The following WFDC9 variants were observed in gnomAD, a reference collection of about 807,000 sequenced individuals.
WFDC9 encodes the protein WAP four-disulfide core domain 9, also known as protein WFDC9.
A neutral mutation model predicts 9.5 loss-of-function variants in WFDC9; 9 were observed. The ratio of observed to expected loss-of-function variants is 0.95; its 90% CI spans 0.57 to 1.65. The LOEUF is 1.65. WFDC9 is among the 40% of genes most tolerant of loss of function. The pLI, the probability that WFDC9 is intolerant of heterozygous loss-of-function variation, is 0.00. For missense variants in WFDC9, 87 were observed against 106.7 expected (o/e 0.82, Z 0.81); for synonymous variants, 33 against 32.3 (o/e 1.02, Z -0.07).
chr20:45,629,018 C>T (rs560667090), intron 1 of WFDC9, among the ~76,000 whole-genome samples: 2 of 152,298 alleles, frequency 1.3e-5, no homozygotes, highest in African/African-American at 4.8e-5. Flanking sequence ...AGGTCTCTCC[C>T]CCTGTCTGAG....
At chr20:45,624,414 T>A (rs1287832396) in intron 1 of WFDC9, among the ~76,000 whole-genome samples, 1 of 152,216 alleles carries the variant, frequency 6.6e-6, no homozygotes, top group Non-Finnish European at 1.5e-5. Flanking sequence ...TTTTTGTGGC[T>A]GAATAGGATT....
At chr20:45,624,991 C>T (rs1982185631) in intron 1 of WFDC9, among the ~76,000 whole-genome samples, 1 of 151,966 alleles carries the variant, frequency 6.6e-6, no homozygotes, top group South Asian at 2.1e-4. Context: ...GATATTAATC[C>T]CCTGTCAAAT....
chr20:45,611,041 C>T (rs1035541565), intron 2 of WFDC9, among the ~76,000 whole-genome samples: 2 of 152,150 alleles, frequency 1.3e-5, no homozygotes, highest in African/African-American at 4.8e-5. Flanking sequence ...GAGAAGAGGG[C>T]TCTAATTTGT....
chr20:45,610,433 T>G (rs1765125942), intron 2 of WFDC9, among the ~76,000 whole-genome samples, 194 bp from the exon 3 acceptor site: 1 of 152,192 alleles, frequency 6.6e-6, no homozygotes, highest in Non-Finnish European at 1.5e-5. Context: ...TATTTCTTAT[T>G]AAAATGAATT....
intron 2 of WFDC9, among the ~76,000 whole-genome samples, chr20:45,610,957 C>T (rs1358054572): frequency 6.6e-6 from 1 of 152,174 alleles, no homozygotes; most frequent in African/African-American, 2.4e-5. Context: ...TCTATGGGAA[C>T]ACAGTAGACT....
intron 1 of WFDC9, chr20:45,630,925 A>G: frequency 6.2e-7 from 1 of 1,612,574 alleles, no homozygotes; most frequent in Non-Finnish European, 8.5e-7. Flanking sequence ...AACTATATCT[A>G]TGCAAACACT....
intron 1 of WFDC9, among the ~76,000 whole-genome samples, chr20:45,621,451 A>G (rs1189818090): frequency 2.6e-5 from 4 of 152,248 alleles, no homozygotes; most frequent in Non-Finnish European, 5.9e-5. Flanking sequence ...TGCTATCTTT[A>G]AAAGTCCTGC....
At chr20:45,630,219 A>G (rs77510138) in intron 1 of WFDC9, among the ~76,000 whole-genome samples, 1 of 143,364 alleles carries the variant, frequency 7.0e-6, no homozygotes, top group Non-Finnish European at 1.5e-5. Context: ...GACAATTATT[A>G]TTTGATTTAT....
chr20:45,621,885 A>AG, intron 1 of WFDC9, among the ~76,000 whole-genome samples: 1 of 152,298 alleles, frequency 6.6e-6, no homozygotes, highest in Admixed American at 6.5e-5. Context: ...CACTGTAATA[A>AG]ATCATAGCTG....
At chr20:45,629,509 A>G (rs1247408907) in intron 1 of WFDC9, 3 of 228,206 alleles carry the variant, frequency 1.3e-5, no homozygotes, top group African/African-American at 2.3e-5. Flanking sequence ...TTTTTCCATA[A>G]AACATTTTGT....
chr20:45,628,211 A>T (rs901229843), intron 1 of WFDC9, among the ~76,000 whole-genome samples: 3 of 152,226 alleles, frequency 2.0e-5, no homozygotes, highest in African/African-American at 7.2e-5. Flanking sequence ...TCAAATAATA[A>T]TTCAAAATGA....
chr20:45,624,284 G>A (rs777260561), intron 1 of WFDC9, among the ~76,000 whole-genome samples: 12 of 152,116 alleles, frequency 7.9e-5, no homozygotes, highest in African/African-American at 7.2e-5. Flanking sequence ...CCATGAGGTC[G>A]ACTTTTCTCC....
chr20:45,622,946 G>GCAAACCTAAACAGATTTGTATTGT (rs1982133668), intron 1 of WFDC9, among the ~76,000 whole-genome samples: 1 of 152,166 alleles, frequency 6.6e-6, no homozygotes, highest in African/African-American at 2.4e-5. Context: ...GGGAGGTGAT[G>GCAAACCTAAACAGATTTGTATTGT]CAAACCTAAA....
intron 1 of WFDC9, chr20:45,629,744 C>A: frequency 6.4e-7 from 1 of 1,557,068 alleles, no homozygotes; most frequent in South Asian, 1.2e-5. Context: ...CCTTCACTCT[C>A]CGTAGACAGC....
At chr20:45,609,454 G>C (rs1186280413) in intron 3 of WFDC9, among the ~76,000 whole-genome samples, 4 of 152,058 alleles carry the variant, frequency 2.6e-5, no homozygotes, top group African/African-American at 9.7e-5. Flanking sequence ...GCCCACCTCA[G>C]CCTCCCAAAG....
Position 45,631,199 on chromosome 20 carries a change from C to T in WFDC9, c.-153+4G>A. On this transcript the variant is annotated splice_donor_region_variant and intron_variant, in intron 1 of 4. Coordinates refer to ENST00000326000, the MANE Select transcript of WFDC9 (RefSeq NM_147198.4). ...AAACCAGAACAAATGCCCAGGGATC[C>T]TACCTCTTTTGCTGCCACTACAGAT... 2 of 592,614 alleles carry T rather than the reference C, an allele frequency of 3.4e-6. No individual in the cohort carries two copies. The highest frequency in any genetic ancestry group is 5.1e-6 in the Non-Finnish European group (2 of 391,576). The allele number at this position is 592,614 out of a possible 1,614,324, so 36.7% of individuals were successfully genotyped here. A position where few individuals can be genotyped will look rare whatever the true frequency, so the allele number is the denominator to read the frequency against.
At chr20:45,629,012 C>G (rs6094185) in intron 1 of WFDC9, among the ~76,000 whole-genome samples, 3,468 of 152,204 alleles carry the variant, frequency 0.023, 146 homozygotes, top group African/African-American at 0.08. Flanking sequence ...ACTGATAGGT[C>G]TCTCCCCCTG....
At chr20:45,618,633 T>C (rs1375349967) in intron 1 of WFDC9, among the ~76,000 whole-genome samples, 2 of 152,204 alleles carry the variant, frequency 1.3e-5, no homozygotes, top group Non-Finnish European at 1.5e-5. Context: ...GGAGCAAGAC[T>C]GGCAAATGAC....
intron 1 of WFDC9, among the ~76,000 whole-genome samples, chr20:45,625,925 T>G (rs150877040): frequency 0.054 from 7,997 of 148,756 alleles, 293 homozygotes; most frequent in African/African-American, 0.1. Context: ...CAAGTGATTC[T>G]CCTGCCTCAG....
Sources: gnomAD v4.1 joint callset for allele counts (sites outside exome capture counted in the v4.1 genomes callset) on GRCh38, gnomAD v4.1.1 for gene constraint, MANE v1.5 for transcripts, NCBI Gene and HGNC (gene_info 2026-07-23, HGNC 2026-07-21) for gene names.